PREX2: variants seen among roughly 807,000 people sequenced by gnomAD.
The protein encoded by PREX2 is phosphatidylinositol 3,4,5-trisphosphate-dependent Rac exchanger 2 protein.
In PREX2, 107 loss-of-function variants were observed where a neutral mutation model predicts 203.2. The observed-to-expected ratio is 0.53, with a 90% CI of 0.45 to 0.62. The LOEUF is 0.62. Among genes scored for constraint, PREX2 ranks in the 20% least tolerant of loss-of-function variants. The pLI is 0.00. For synonymous variants in PREX2, 672 were observed against 663.6 expected, an observed-to-expected ratio of 1.01 and a Z score of -0.19; for missense variants, 1,777 against 1,955.9, an observed-to-expected ratio of 0.91 and a Z score of 1.72.
intron 34 of PREX2, among the ~76,000 whole-genome samples, chr8:68,146,762 T>C (rs1477271125): frequency 6.6e-6 from 1 of 152,206 alleles, no homozygotes; most frequent in African/African-American, 2.4e-5. Flanking sequence ...TGTCTATACC[T>C]ACATATATGT....
intron 39 of PREX2, among the ~76,000 whole-genome samples, chr8:68,228,686 A>G (rs1419069272): frequency 1.3e-5 from 2 of 152,042 alleles, no homozygotes; most frequent in Non-Finnish European, 2.9e-5. Context: ...GAATCTCCTG[A>G]ACCCAGGAGG....
intron 35 of PREX2, among the ~76,000 whole-genome samples, chr8:68,169,428 A>G (rs998798396): frequency 1.3e-5 from 2 of 152,044 alleles, no homozygotes; most frequent in Admixed American, 1.3e-4. Flanking sequence ...ATAATTGGAG[A>G]TGGAACAGAC....
intron 38 of PREX2, among the ~76,000 whole-genome samples, chr8:68,221,358 C>T (rs182325015): frequency 6.6e-6 from 1 of 152,254 alleles, no homozygotes; most frequent in Non-Finnish European, 1.5e-5. Context: ...GTCCCAACTT[C>T]AGTGTTGGCT....
intron 31 of PREX2, among the ~76,000 whole-genome samples, chr8:68,129,184 G>A (rs754664001): frequency 1.3e-5 from 2 of 152,190 alleles, no homozygotes; most frequent in African/African-American, 4.8e-5. Context: ...CATCTAGAAG[G>A]TTAGGCATAT....
intron 1 of PREX2, among the ~76,000 whole-genome samples, chr8:67,985,538 T>C (rs1039116635): frequency 2.0e-5 from 3 of 152,146 alleles, no homozygotes; most frequent in African/African-American, 7.2e-5. Flanking sequence ...ATTAGAGCTG[T>C]GAGTGTGATG....
chr8:68,075,687 C>G (rs938906845), intron 14 of PREX2, among the ~76,000 whole-genome samples: 8 of 152,150 alleles, frequency 5.3e-5, no homozygotes, highest in African/African-American at 1.9e-4. Context: ...TTTTCTATCA[C>G]TTGGCACAAT....
chr8:67,969,608 C>T (rs939213448), intron 1 of PREX2, among the ~76,000 whole-genome samples: 3 of 152,124 alleles, frequency 2.0e-5, no homozygotes, highest in African/African-American at 7.2e-5. Flanking sequence ...TAGTTACTCC[C>T]TCAAGTCCAT....
At chr8:68,117,298 C>T (rs912379639) in intron 26 of PREX2, among the ~76,000 whole-genome samples, 1 of 152,228 alleles carries the variant, frequency 6.6e-6, no homozygotes, top group Admixed American at 6.5e-5. Context: ...TATCATTTAC[C>T]TATGAGACCA....
chr8:68,099,796 A>C lies in PREX2; in HGVS notation c.2668A>C (p.Ser890Arg), dbSNP rs1391648056. ...DLQSKFSALC[S>R]ERIEHLCQRI... is the part of the protein sequence containing the mutation. ...TCAGAGTAAATTCAGTGCCCTTTGC[A>C]GTGAAAGAATTGAACACCTATGTCA... The change falls in exon 23 of 40, where the codon AGT becomes CGT. Residue 890 changes from serine (S) to arginine (R), a missense_variant. By Grantham distance (110) the Ser-to-Arg change is moderately radical. Coordinates refer to ENST00000288368, the MANE Select transcript of PREX2 (RefSeq NM_024870.4). The C allele has an allele frequency of 1.2e-6, 2 of 1,613,504 alleles. No individual in the cohort carries two copies. Among genetic ancestry groups the C allele is most frequent in the East Asian group, 2.2e-5 (1 of 44,866 alleles).
At chr8:68,168,359 C>A (rs77209363) in intron 35 of PREX2, among the ~76,000 whole-genome samples, 3,418 of 152,200 alleles carry the variant, frequency 0.022, 145 homozygotes, top group African/African-American at 0.078. Flanking sequence ...ATACTCATAT[C>A]AAACAGACAG....
intron 1 of PREX2, among the ~76,000 whole-genome samples, chr8:67,985,233 C>G (rs1038854757): frequency 6.6e-6 from 1 of 152,116 alleles, no homozygotes; most frequent in African/African-American, 2.4e-5. Context: ...GGCTTTGCTG[C>G]CAACCTAATT....
intron 39 of PREX2, among the ~76,000 whole-genome samples, chr8:68,230,603 A>G (rs1347984460): frequency 6.6e-6 from 1 of 152,164 alleles, no homozygotes; most frequent in Admixed American, 6.5e-5. Flanking sequence ...GTGGAGCACC[A>G]GAACTTGTGT....
intron 1 of PREX2, among the ~76,000 whole-genome samples, chr8:68,017,097 T>C (rs1278491925): frequency 6.6e-6 from 1 of 152,192 alleles, no homozygotes; most frequent in Non-Finnish European, 1.5e-5. Flanking sequence ...TTTTCAAGGC[T>C]CAATATAATG....
chr8:67,990,790 C>T (rs997856475), intron 1 of PREX2, among the ~76,000 whole-genome samples: 9 of 151,846 alleles, frequency 5.9e-5, no homozygotes, highest in African/African-American at 1.5e-4. Flanking sequence ...TGATTACAGG[C>T]GTGAGCCACC....
At position 68,068,553 on chromosome 8, in the gene PREX2, T is replaced by A. The variant is rs112619475; in HGVS notation, c.1340-480T>A. ...TGGTGTATGTGTGGTCTTGGCCTGA[T>A]CACAGTGTGATAAAACAGATACGTG... On this transcript the variant is annotated intron_variant, in intron 11 of 39. Coordinates refer to ENST00000288368, the MANE Select transcript of PREX2 (RefSeq NM_024870.4). 2.0e-4 allele frequency among the ~76,000 whole-genome samples: 30 copies of A among 152,224 alleles called. 1 individual carries two copies. The highest frequency in any genetic ancestry group is 7.2e-4 in the African/African-American group (30 of 41,564).
At chr8:68,127,271 A>G (rs1320443564) in intron 30 of PREX2, 107 bp from the exon 31 acceptor site, 4 of 799,734 alleles carry the variant, frequency 5.0e-6, no homozygotes, top group East Asian at 2.8e-5. Flanking sequence ...CTACTTTTGC[A>G]TGAACCTAGT....
At chr8:68,086,058 C>T (rs1027004207) in intron 18 of PREX2, among the ~76,000 whole-genome samples, 4 of 152,116 alleles carry the variant, frequency 2.6e-5, no homozygotes, top group Non-Finnish European at 5.9e-5. Context: ...TCAAGTGAAA[C>T]TTTGACAAAC....
chr8:68,173,281 G>GGT (rs1811914924), intron 35 of PREX2, among the ~76,000 whole-genome samples: 1 of 152,090 alleles, frequency 6.6e-6, no homozygotes, highest in South Asian at 2.1e-4. Context: ...CCATTTGAAA[G>GGT]GTGCAGATGC....
chr8:68,164,749 A>C (rs909164202), intron 35 of PREX2, among the ~76,000 whole-genome samples: 2 of 151,560 alleles, frequency 1.3e-5, no homozygotes, highest in Non-Finnish European at 2.9e-5. Context: ...CGCCAGGCTA[A>C]TTTTGTATTT....
Sources: gnomAD v4.1 joint callset for allele counts (sites outside exome capture counted in the v4.1 genomes callset) on GRCh38, gnomAD v4.1.1 for gene constraint, MANE v1.5 for transcripts, NCBI Gene and HGNC (gene_info 2026-07-23, HGNC 2026-07-21) for gene names.